The following DHRSX variants were observed in gnomAD, a reference collection of about 807,000 sequenced individuals.
DHRSX encodes the protein dehydrogenase/reductase X-linked.
Under a neutral mutation model 34.0 loss-of-function variants are expected in DHRSX, and 31 were observed. That is an observed-to-expected ratio of 0.91 (90% confidence interval 0.69 to 1.23). The LOEUF (loss-of-function observed/expected upper bound fraction) is 1.23. DHRSX is among the 50% of genes most tolerant of loss of function. The pLI, the probability that DHRSX is intolerant of heterozygous loss-of-function variation, is 0.00. For synonymous variants in DHRSX, 201 were observed against 183.8 expected, an observed-to-expected ratio of 1.09 and a Z score of -0.76; for missense variants, 414 against 428.1, an observed-to-expected ratio of 0.97 and a Z score of 0.29.
At chrX:2,358,433 C>G (rs1022042660) in intron 3 of DHRSX, among the ~76,000 whole-genome samples, 1 of 152,142 alleles carries the variant, frequency 6.6e-6, no homozygotes, top group African/African-American at 2.4e-5. Flanking sequence ...CGCGGTGGCT[C>G]ACACCTGTCA....
chrX:2,408,611 AG>A, intron 3 of DHRSX, 133 bp downstream of exon 3: 1 of 751,682 alleles, frequency 1.3e-6, no homozygotes, highest in Admixed American at 2.8e-5. Context: ...CCCCAAAAGA[AG>A]AGTGCAAAAA....
At chrX:2,346,184 C>G (rs2042708282) in intron 3 of DHRSX, among the ~76,000 whole-genome samples, 3 of 152,232 alleles carry the variant, frequency 2.0e-5, no homozygotes, top group Admixed American at 1.3e-4. Flanking sequence ...GTTTCTAACT[C>G]TATGAGCAAA....
At chrX:2,453,220 T>A (rs755233789) in intron 1 of DHRSX, among the ~76,000 whole-genome samples, 1 of 152,160 alleles carries the variant, frequency 6.6e-6, no homozygotes, top group East Asian at 1.9e-4. Flanking sequence ...AATGCTGAAG[T>A]GTTTGTCAAA....
At chrX:2,413,842 T>C (rs1442706041) in intron 2 of DHRSX, among the ~76,000 whole-genome samples, 1 of 152,042 alleles carries the variant, frequency 6.6e-6, no homozygotes, top group Non-Finnish European at 1.5e-5. Context: ...TAGATCTGAT[T>C]ATACCCTAAC....
intron 1 of DHRSX, among the ~76,000 whole-genome samples, chrX:2,432,954 C>G (rs371304733): frequency 6.6e-6 from 1 of 152,164 alleles, no homozygotes; most frequent in East Asian, 1.9e-4. Context: ...GAGGCCTCAT[C>G]TCTACAAAAA....
At chrX:2,496,349 C>G (rs1321936059) in intron 1 of DHRSX, among the ~76,000 whole-genome samples, 2 of 151,948 alleles carry the variant, frequency 1.3e-5, no homozygotes, top group Non-Finnish European at 2.9e-5. Flanking sequence ...CAGGCGCACA[C>G]TGCCACACCC....
intron 4 of DHRSX, among the ~76,000 whole-genome samples, chrX:2,275,571 G>A (rs771304454): frequency 1.1e-4 from 17 of 150,484 alleles, no homozygotes; most frequent in East Asian, 7.9e-4. Flanking sequence ...CATCCAAAGC[G>A]AGCACTCTCC....
intron 1 of DHRSX, among the ~76,000 whole-genome samples, chrX:2,495,755 C>A (rs1259389981): frequency 3.3e-5 from 5 of 152,168 alleles, no homozygotes; most frequent in African/African-American, 1.2e-4. Context: ...AAGACTGGTG[C>A]AGCATCCCCA....
At chrX:2,500,767 C>G in intron 1 of DHRSX, 50 bp downstream of exon 1, 1 of 970,046 alleles carries the variant, frequency 1.0e-6, no homozygotes, top group Non-Finnish European at 1.3e-6. Context: ...CGAGCCAGCC[C>G]GCGCCCACCC....
intron 1 of DHRSX, chrX:2,489,330 C>T (rs772703623): frequency 3.7e-6 from 6 of 1,613,930 alleles, no homozygotes; most frequent in Non-Finnish European, 4.2e-6. Flanking sequence ...ATGTCGATCT[C>T]GGGCGTCTCC....
Position 2,225,001 on chromosome X carries a change from CAT to C in DHRSX, c.805-3774_805-3773del, listed in dbSNP as rs1452301878. Reference sequence around the variant, plus strand: ...GCACACTAATTCACATGCACACACACATGCTCACACTCATTCACATGCACACA... The same window carrying C: ...GCACACTAATTCACATGCACACACACGCTCACACTCATTCACATGCACACA... On this transcript the variant is annotated intron_variant, in intron 6 of 6. Transcript: ENST00000334651. Among the ~76,000 whole-genome samples the C allele has an allele frequency of 4.0e-5, 6 of 151,478 alleles. No homozygotes were observed. The East Asian group carries it at 1.2e-3, about 29-fold the overall frequency.
intron 3 of DHRSX, among the ~76,000 whole-genome samples, chrX:2,386,551 G>A (rs1204883926): frequency 1.3e-5 from 2 of 152,140 alleles, no homozygotes; most frequent in Non-Finnish European, 2.9e-5. Context: ...AACACTTGGT[G>A]GAAAGTTCTG....
At chrX:2,314,276 G>A (rs867911824) in intron 3 of DHRSX, among the ~76,000 whole-genome samples, 5 of 51,772 alleles carry the variant, frequency 9.7e-5, no homozygotes, top group African/African-American at 3.4e-4. Context: ...AGGAGGGAAT[G>A]AGGGAGGGAA....
chrX:2,326,731 CCT>C (rs2042390974), intron 3 of DHRSX, among the ~76,000 whole-genome samples: 1 of 152,064 alleles, frequency 6.6e-6, no homozygotes, highest in African/African-American at 2.4e-5. Context: ...CAATCCGTGT[CCT>C]CTCTGCCCTC....
chrX:2,447,932 T>C (rs955110291), intron 1 of DHRSX, among the ~76,000 whole-genome samples: 19 of 150,344 alleles, frequency 1.3e-4, no homozygotes, highest in Non-Finnish European at 1.8e-4. Flanking sequence ...CGGTGGCTTA[T>C]GTCCGGAATC....
At chrX:2,241,830 C>T (rs752576615) in intron 6 of DHRSX, among the ~76,000 whole-genome samples, 70 of 152,222 alleles carry the variant, frequency 4.6e-4, no homozygotes, top group African/African-American at 1.6e-3. Flanking sequence ...ATCGCTTGAA[C>T]CCAGGAGGCA....
chrX:2,318,331 C>T (rs2042265395), intron 3 of DHRSX, among the ~76,000 whole-genome samples: 1 of 150,536 alleles, frequency 6.6e-6, no homozygotes, highest in Admixed American at 6.7e-5. Context: ...GCCTGGGCAA[C>T]ACAGTGACAA....
chrX:2,314,483 A>AAGGAAGGG lies in DHRSX; in HGVS notation c.287-22888_287-22881dup, dbSNP rs1356994124. On this transcript the variant is annotated intron_variant, in intron 3 of 6. Transcript: ENST00000334651. ...GAAGGAAGGGGAGAAGGAAGGAAGG[A>AAGGAAGGG]AGGAAGGGAGGTAAAGGAGGTAAGG... is the stretch of plus-strand genomic sequence containing the variant. 2.9e-3 allele frequency among the ~76,000 whole-genome samples: 133 copies of AAGGAAGGG among 46,048 alleles called. 20 individuals carry two copies. The highest frequency in any genetic ancestry group is 5.2e-3 in the Non-Finnish European group (112 of 21,342). The allele number at this position is 46,048 out of a possible 152,430, so 30.2% of individuals were successfully genotyped here. A position where few individuals can be genotyped will look rare whatever the true frequency, so the allele number is the denominator to read the frequency against.
chrX:2,360,609 C>G (rs1030460125), intron 3 of DHRSX, among the ~76,000 whole-genome samples: 5 of 151,916 alleles, frequency 3.3e-5, no homozygotes, highest in Non-Finnish European at 5.9e-5. Flanking sequence ...AAATACACAT[C>G]ACCCACCATT....
Sources: allele counts gnomAD v4.1 joint callset (sites outside exome capture counted in the v4.1 genomes callset), GRCh38; gene constraint gnomAD v4.1.1; transcripts MANE v1.5; gene names NCBI Gene and HGNC (gene_info 2026-07-23, HGNC 2026-07-21).